NAALADL2: variants seen among roughly 807,000 people sequenced by gnomAD.
NAALADL2 encodes the protein inactive N-acetylated-alpha-linked acidic dipeptidase-like protein 2.
A neutral mutation model predicts 87.2 loss-of-function variants in NAALADL2; 76 were observed. The observed-to-expected ratio is 0.87, with a 90% CI of 0.72 to 1.05. NAALADL2 has a LOEUF of 1.05. Ranked by LOEUF, NAALADL2 falls within the 50% of genes least tolerant of loss-of-function variation. NAALADL2 has a pLI of 0.00. For missense variants in NAALADL2, 1,089 were observed against 945.8 expected (o/e 1.15, Z -1.99); for synonymous variants, 354 against 331.0 (o/e 1.07, Z -0.75).
chr3:174,666,412 T>A lies in NAALADL2; in HGVS notation c.-114-71229T>A, dbSNP rs557570344. ...TAAAACTACATTGTCTTCTCTAATT[T>A]AAAAATAGCTATATCGTAGCATAAA... On this transcript the variant is annotated intron_variant, in intron 2 of 3. Transcript: ENST00000434257. Among the ~76,000 whole-genome samples, 211 of 150,926 alleles carry A rather than the reference T, an allele frequency of 1.4e-3. 2 individuals carry two copies. The highest frequency in any genetic ancestry group is 4.9e-3 in the African/African-American group (200 of 41,220).
intron 1 of NAALADL2, among the ~76,000 whole-genome samples, chr3:174,444,139 T>G (rs1577925368): frequency 6.6e-6 from 1 of 152,128 alleles, no homozygotes; most frequent in Non-Finnish European, 1.5e-5. Flanking sequence ...AACAAAAAAT[T>G]GATGATGCAG....
intron 5 of NAALADL2, among the ~76,000 whole-genome samples, chr3:175,402,506 C>G (rs192056604): frequency 7.2e-5 from 11 of 152,082 alleles, no homozygotes; most frequent in Admixed American, 7.2e-4. Flanking sequence ...TGAACAGAAT[C>G]CTTTTTATCT....
intron 9 of NAALADL2, among the ~76,000 whole-genome samples, chr3:175,525,071 GATATAAAGTGATATATGTGT>G (rs776171949): frequency 6.4e-4 from 97 of 152,162 alleles, no homozygotes; most frequent in Non-Finnish European, 1.1e-3. Flanking sequence ...AATTATTTAA[GATATAAAGTGATATATGTGT>G]ATTGTTAGAT....
intron 5 of NAALADL2, among the ~76,000 whole-genome samples, chr3:175,380,241 A>G (rs556574502): frequency 2.2e-4 from 33 of 152,232 alleles, no homozygotes; most frequent in African/African-American, 7.9e-4. Context: ...AAATACTGAC[A>G]TCCATGTCCC....
intron 2 of NAALADL2, among the ~76,000 whole-genome samples, chr3:175,157,724 G>A (rs1732534421): frequency 6.6e-6 from 1 of 151,972 alleles, no homozygotes; most frequent in Non-Finnish European, 1.5e-5. Context: ...TTTCCCAGTT[G>A]ATTGTCATCT....
chr3:175,353,113 T>TGTGTG (rs1388434434), intron 5 of NAALADL2, among the ~76,000 whole-genome samples: 2 of 144,702 alleles, frequency 1.4e-5, no homozygotes, highest in African/African-American at 5.4e-5. Context: ...ATAAAATGTG[T>TGTGTG]GTGTGTGTGT....
intron 1 of NAALADL2, among the ~76,000 whole-genome samples, chr3:174,921,136 T>C (rs567925274): frequency 4.8e-4 from 73 of 152,284 alleles, no homozygotes; most frequent in Admixed American, 8.5e-4. Flanking sequence ...AATGAGCACA[T>C]GCTATTGGAA....
intron 11 of NAALADL2, chr3:175,718,340 T>C (rs1362693803): frequency 1.9e-6 from 3 of 1,602,648 alleles, no homozygotes; most frequent in Non-Finnish European, 2.6e-6. Context: ...AATTCTGCCA[T>C]TTTGCTAGCA....
intron 3 of NAALADL2, among the ~76,000 whole-genome samples, chr3:174,822,615 TG>T (rs1721553620): frequency 6.6e-6 from 1 of 152,148 alleles, no homozygotes; most frequent in African/African-American, 2.4e-5. Context: ...AGAGCTGAGC[TG>T]GGTCTTGATT....
At chr3:175,584,039 C>CTT (rs5854648) in intron 10 of NAALADL2, among the ~76,000 whole-genome samples, 18,506 of 144,124 alleles carry the variant, frequency 0.13, 1,333 homozygotes, top group Middle Eastern at 0.17. Flanking sequence ...ATTGTCACTA[C>CTT]TTTTTTTTTT....
chr3:175,566,484 T>G (rs1268671487), intron 9 of NAALADL2, among the ~76,000 whole-genome samples: 1 of 152,110 alleles, frequency 6.6e-6, no homozygotes, highest in Non-Finnish European at 1.5e-5. Flanking sequence ...TCATTATCAG[T>G]GTGTAAACAG....
intron 11 of NAALADL2, among the ~76,000 whole-genome samples, chr3:175,641,801 A>C (rs1729322530): frequency 6.6e-6 from 1 of 152,338 alleles, no homozygotes; most frequent in East Asian, 1.9e-4. Context: ...ATTAAGTAAG[A>C]AAGGAAGAAA....
intron 1 of NAALADL2, among the ~76,000 whole-genome samples, chr3:174,892,339 A>T (rs1730953986): frequency 6.6e-6 from 1 of 152,194 alleles, no homozygotes; most frequent in Admixed American, 6.5e-5. Context: ...ACAGAGAAGA[A>T]ATTCAGAATT....
intron 3 of NAALADL2, among the ~76,000 whole-genome samples, chr3:174,773,575 C>T (rs1714841014): frequency 6.6e-6 from 1 of 152,048 alleles, no homozygotes; most frequent in Non-Finnish European, 1.5e-5. Context: ...GTGGTGTGTG[C>T]CTTCAAGATA....
intron 1 of NAALADL2, among the ~76,000 whole-genome samples, chr3:174,982,802 A>T (rs9842579): frequency 0.099 from 14,765 of 149,296 alleles, 1,699 homozygotes; most frequent in African/African-American, 0.28. Context: ...CCAGGTTAAA[A>T]TTTTTTTTTT....
chr3:174,641,771 G>A (rs1723212054), intron 2 of NAALADL2, among the ~76,000 whole-genome samples: 1 of 149,990 alleles, frequency 6.7e-6, no homozygotes, highest in African/African-American at 2.5e-5. Context: ...ATTTTTTTTT[G>A]TAGAGACAGG....
intron 5 of NAALADL2, among the ~76,000 whole-genome samples, chr3:175,339,330 G>C (rs951559495): frequency 2.0e-5 from 3 of 152,152 alleles, no homozygotes; most frequent in African/African-American, 7.2e-5. Flanking sequence ...AAGTTTCAAA[G>C]GTCCTACGTT....
At chr3:175,027,535 A>G (rs1368742146) in intron 1 of NAALADL2, among the ~76,000 whole-genome samples, 3 of 152,194 alleles carry the variant, frequency 2.0e-5, no homozygotes, top group Non-Finnish European at 2.9e-5. Flanking sequence ...TTACAAAATT[A>G]GCTCTAATAA....
intron 2 of NAALADL2, among the ~76,000 whole-genome samples, chr3:174,576,299 T>A (rs866292808): frequency 3.3e-5 from 5 of 152,058 alleles, no homozygotes; most frequent in African/African-American, 1.2e-4. Flanking sequence ...AGAAGGAAAA[T>A]TACATGAGAG....
Sources: allele counts gnomAD v4.1 joint callset (sites outside exome capture counted in the v4.1 genomes callset), GRCh38; gene constraint gnomAD v4.1.1; transcripts MANE v1.5; gene names NCBI Gene and HGNC (gene_info 2026-07-23, HGNC 2026-07-21).